Variants in UTP20 observed in about 807,000 individuals in gnomAD.
The protein encoded by UTP20 is UTP20 small subunit processome component, also known as small subunit processome component 20 homolog.
UTP20 carries 164 observed loss-of-function variants against 329.5 expected under a neutral mutation model. The observed-to-expected ratio is 0.50, with a 90% CI of 0.44 to 0.57. The LOEUF (loss-of-function observed/expected upper bound fraction) is 0.57, where lower values mean the gene tolerates loss of function less well. Among genes scored for constraint, UTP20 ranks in the 20% least tolerant of loss-of-function variants. UTP20 has a pLI of 0.00. For synonymous variants in UTP20, 1,151 were observed against 1,159.3 expected, an observed-to-expected ratio of 0.99 and a Z score of 0.14; for missense variants, 3,055 against 3,284.2, an observed-to-expected ratio of 0.93 and a Z score of 1.71.
Position 101,375,709 on chromosome 12 carries a change from A to G in UTP20, c.7349A>G (p.Asn2450Ser). 3.1e-6 allele frequency: 5 copies of G among 1,603,484 alleles called. No homozygotes were observed. The highest frequency in any genetic ancestry group is 1.1e-5 in the South Asian group (1 of 89,818). The change falls in exon 56 of 62, where the codon AAT becomes AGT. Residue 2450 changes from asparagine (N) to serine (S), a missense_variant. Around this residue, in one of 3 missense-constraint regions of UTP20, gnomAD observed 273 missense variants for 363.1 expected, o/e 0.75. Transcript: ENST00000261637. ...TLITKLIKEC[N>S]IIQFTKPAET... The stretch of plus-strand genomic sequence containing the variant: ...ATAACTAAACTTATCAAGGAATGTA[A>G]TATTATTCAGTTTACCAAACCCGCT...
chr12:101,365,436 T>C (rs1454847858), intron 45 of UTP20, 23 bp from the exon 46 acceptor site: 5 of 1,568,570 alleles, frequency 3.2e-6, no homozygotes, highest in Non-Finnish European at 4.3e-6. Context: ...CATCTCAGCA[T>C]GACATTTATG....
Position 101,291,950 on chromosome 12 carries a change from A to T in UTP20, c.1039-20A>T, listed in dbSNP as rs576630253. On this transcript the variant is annotated intron_variant, in intron 9 of 61. Transcript: ENST00000261637. ...TTTAAAAGCTGATTGCTGAGTATGC[A>T]TTGTTTTTTCTTTTTGCAGGTGTTA... is the stretch of plus-strand genomic sequence containing the variant. The T allele has an allele frequency of 6.2e-7, 1 of 1,610,230 alleles. No individual in the cohort carries two copies. The highest frequency in any genetic ancestry group is 1.7e-5 in the Admixed American group (1 of 59,370).
chr12:101,319,929 G>A (rs187181486), intron 23 of UTP20, among the ~76,000 whole-genome samples: 1 of 152,252 alleles, frequency 6.6e-6, no homozygotes, highest in Non-Finnish European at 1.5e-5. Flanking sequence ...GCTTTTAGAA[G>A]GGAGTAGGGT....
At chr12:101,335,119 G>A (rs918227963) in intron 29 of UTP20, among the ~76,000 whole-genome samples, 1 of 152,188 alleles carries the variant, frequency 6.6e-6, no homozygotes, top group African/African-American at 2.4e-5. Context: ...GCCATAGCAC[G>A]TGGAGGTTTG....
At chr12:101,291,052 AT>A in intron 8 of UTP20, 164 bp downstream of exon 8, 1 of 624,884 alleles carries the variant, frequency 1.6e-6, no homozygotes, top group Non-Finnish European at 2.4e-6. Context: ...CCCCTGTGCT[AT>A]TTTTTATTTG....
chr12:101,369,849 C>T lies in UTP20; in HGVS notation c.6513C>T (p.Ala2171=), dbSNP rs139074123. The change falls in exon 49 of 62, where the codon GCC becomes GCT. Residue 2171 remains alanine (A), a synonymous_variant. Coordinates refer to ENST00000261637, the MANE Select transcript of UTP20 (RefSeq NM_014503.3). ...LLLKDYAKLG[A]ARGQNFHLVV... Reference sequence around the variant, plus strand: ...TGAAGGACTATGCAAAGCTCGGGGCCGCCAGGGGCCAGAACTTCCACCTTG... The same window carrying T: ...TGAAGGACTATGCAAAGCTCGGGGCTGCCAGGGGCCAGAACTTCCACCTTG... The T allele has an allele frequency of 1.6e-5, 26 of 1,613,844 alleles. 1 individual carries two copies. The highest frequency in any genetic ancestry group is 2.2e-5 in the South Asian group (2 of 91,068).
At position 101,281,101 on chromosome 12, in the gene UTP20, T is replaced by C. The variant is rs750715613; in HGVS notation, c.46-15T>C. 8.1e-6 allele frequency: 13 copies of C among 1,599,586 alleles called. No individual in the cohort carries two copies. Among genetic ancestry groups the C allele is most frequent in the Non-Finnish European group, 1.1e-5 (13 of 1,168,672 alleles). On this transcript the variant is annotated splice_polypyrimidine_tract_variant and intron_variant, in intron 1 of 61. Coordinates refer to ENST00000261637, the MANE Select transcript of UTP20 (RefSeq NM_014503.3). ...TTTAATTAATTATGTATCTTAAATA[T>C]ACTTTCCCTTCCAGTTTCTTACATT...
chr12:101,333,676 T>C (rs769471614), intron 28 of UTP20, among the ~76,000 whole-genome samples: 2 of 149,718 alleles, frequency 1.3e-5, no homozygotes, highest in East Asian at 4.0e-4. Context: ...CAGTTGAATA[T>C]GAATGTGTCT....
intron 21 of UTP20, among the ~76,000 whole-genome samples, chr12:101,314,418 G>A (rs1593429051): frequency 6.6e-6 from 1 of 151,884 alleles, no homozygotes; most frequent in Non-Finnish European, 1.5e-5. Context: ...CAGCACTTTG[G>A]GAGGCCGAGG....
intron 39 of UTP20, 99 bp downstream of exon 39, chr12:101,352,293 C>T: frequency 7.6e-7 from 1 of 1,320,214 alleles, no homozygotes; most frequent in East Asian, 2.4e-5. Flanking sequence ...TTAATCCAGT[C>T]TATCATTGTT....
At chr12:101,371,682 C>T (rs1013250168) in intron 51 of UTP20, among the ~76,000 whole-genome samples, 69 of 151,964 alleles carry the variant, frequency 4.5e-4, no homozygotes, top group Non-Finnish European at 8.4e-4. Context: ...TACAGGCATG[C>T]ACCACCACAC....
At position 101,383,191 on chromosome 12, in the gene UTP20, G is replaced by A. The variant is rs375163803; in HGVS notation, c.7807G>A (p.Gly2603Arg). 88 of 1,613,984 alleles carry A rather than the reference G, an allele frequency of 5.5e-5. 1 individual carries two copies. Among genetic ancestry groups the A allele is most frequent in the Middle Eastern group, 3.3e-4 (2 of 6,084 alleles). ...TGCAGATGAGAAGGCGGAGTCTGACGGAGAAGAGAAGGAAGAGGTGAAGGA... is the reference window on the plus strand; with the variant it reads ...TGCAGATGAGAAGGCGGAGTCTGACAGAGAAGAGAAGGAAGAGGTGAAGGA... ...ACADEKAESD[G>R]EEKEEVKEEL... Residue 2603 changes from glycine (G) to arginine (R), a missense_variant, in exon 59 of 62, where the codon GGA becomes AGA. Gly to Arg is a moderately radical substitution (Grantham distance 125). Transcript: ENST00000261637.
At position 101,346,531 on chromosome 12, in the gene UTP20, T is replaced by A. The variant is rs1869330673; in HGVS notation, c.4827T>A (p.Leu1609=). ...EGKVVLSSKS[L]QNYIMPYAMT... is the part of the protein sequence containing the mutation. ...AAGTTGTTCTGTCTTCTAAATCTCTTCAGAATTACATCATGCCTTATGCCA... is the reference window on the plus strand; with the variant it reads ...AAGTTGTTCTGTCTTCTAAATCTCTACAGAATTACATCATGCCTTATGCCA... The change falls in exon 38 of 62, where the codon CTT becomes CTA. Residue 1609 remains leucine (L), a synonymous_variant. Transcript: ENST00000261637. The A allele has an allele frequency of 6.2e-7, 1 of 1,610,200 alleles. No individual in the cohort carries two copies. The highest frequency in any genetic ancestry group is 1.3e-5 in the African/African-American group (1 of 74,742).
chr12:101,289,690 C>T (rs1872077465), intron 6 of UTP20, among the ~76,000 whole-genome samples: 1 of 152,038 alleles, frequency 6.6e-6, no homozygotes, highest in African/African-American at 2.4e-5. Context: ...GTGACATTAA[C>T]AAGAACTTTT....
chr12:101,287,087 G>C (rs527460562), intron 5 of UTP20, among the ~76,000 whole-genome samples: 3 of 152,196 alleles, frequency 2.0e-5, no homozygotes, highest in African/African-American at 7.2e-5. Flanking sequence ...GGGTTTGGTG[G>C]GATTTTCCAC....
intron 5 of UTP20, 93 bp from the exon 6 acceptor site, chr12:101,288,866 AC>A: frequency 9.0e-7 from 1 of 1,111,856 alleles, no homozygotes; most frequent in Non-Finnish European, 1.3e-6. Context: ...TTCCTTGCAT[AC>A]CCAGCACATT....
intron 10 of UTP20, among the ~76,000 whole-genome samples, chr12:101,292,354 T>C (rs1311497477): frequency 6.6e-6 from 1 of 152,222 alleles, no homozygotes; most frequent in Admixed American, 6.5e-5. Flanking sequence ...CTGCAATATA[T>C]GTAAGCACAT....
rs376472973 is a variant in UTP20 at position 101,362,022 on chromosome 12, G to A, written c.5752G>A (p.Val1918Ile). The A allele has an allele frequency of 7.2e-5, 116 of 1,613,498 alleles. No individual in the cohort carries two copies. The highest frequency in any genetic ancestry group is 9.6e-5 in the Non-Finnish European group (113 of 1,179,672). Reference protein sequence around the residue: ...LLQGLTNKLQVGDLDSCLDIM... With the variant: ...LLQGLTNKLQIGDLDSCLDIM... ...GCAAGGCCTCACCAATAAGCTGCAG[G>A]TCGGAGATTTGGACTCTTGTTTAGA... Residue 1918 changes from valine to isoleucine, a missense_variant, in exon 44 of 62, where the codon GTC (valine) becomes ATC (isoleucine). By Grantham distance (29) the Val-to-Ile change is conservative. Around this residue, in one of 3 missense-constraint regions of UTP20, gnomAD observed 2,445 missense variants for 2,575.5 expected, o/e 0.95. Coordinates refer to ENST00000261637, the MANE Select transcript of UTP20 (RefSeq NM_014503.3).
intron 29 of UTP20, 134 bp from the exon 30 acceptor site, chr12:101,337,917 T>G: frequency 1.2e-6 from 1 of 815,042 alleles, no homozygotes; most frequent in Non-Finnish European, 1.9e-6. Context: ...ATTTTAGATT[T>G]AAACTAATTC....
Sources: allele counts gnomAD v4.1 joint callset (sites outside exome capture counted in the v4.1 genomes callset), GRCh38; gene constraint gnomAD v4.1.1; regional missense constraint gnomAD v4.1.1; transcripts MANE v1.5; gene names NCBI Gene and HGNC (gene_info 2026-07-23, HGNC 2026-07-21).